CTNNA2: variants seen among roughly 807,000 people sequenced by gnomAD.
CTNNA2 encodes catenin alpha 2, also known as catenin alpha-2.
In CTNNA2, 42 loss-of-function variants were observed where a neutral mutation model predicts 101.0. The ratio of observed to expected loss-of-function variants is 0.42; its 90% confidence interval spans 0.32 to 0.54. CTNNA2 has a LOEUF of 0.54. Ranked by LOEUF, CTNNA2 falls within the 20% of genes least tolerant of loss-of-function variation. The pLI, the probability that CTNNA2 is intolerant of heterozygous loss-of-function variation, is 0.14. For synonymous variants in CTNNA2, 450 were observed against 456.4 expected (o/e 0.99, Z 0.18); for missense variants, 871 against 1,223.1 (o/e 0.71, Z 4.29).
At chr2:79,477,320 G>A (rs1156997090) in intron 4 of CTNNA2, among the ~76,000 whole-genome samples, 4 of 151,594 alleles carry the variant, frequency 2.6e-5, no homozygotes, top group East Asian at 3.9e-4. Context: ...ACAGGCACCC[G>A]CCACCACACC....
At chr2:80,234,756 T>C (rs1455932241) in intron 7 of CTNNA2, among the ~76,000 whole-genome samples, 1 of 151,868 alleles carries the variant, frequency 6.6e-6, no homozygotes, top group East Asian at 1.9e-4. Flanking sequence ...CTGAGAAATA[T>C]TATGAAGACA....
intron 7 of CTNNA2, chr2:80,305,421 G>A: frequency 1.0e-6 from 1 of 975,206 alleles, no homozygotes; most frequent in Non-Finnish European, 1.2e-6. Flanking sequence ...AAGAACGATT[G>A]TACTGTCTGA....
At chr2:79,627,752 A>G (rs1679415259) in intron 1 of CTNNA2, among the ~76,000 whole-genome samples, 1 of 152,170 alleles carries the variant, frequency 6.6e-6, no homozygotes. Context: ...AAAATATTCA[A>G]TTGATGATTT....
intron 7 of CTNNA2, among the ~76,000 whole-genome samples, chr2:80,083,172 G>A (rs1558791517): frequency 1.3e-5 from 2 of 152,100 alleles, no homozygotes; most frequent in South Asian, 4.1e-4. Flanking sequence ...GACTGGGGCT[G>A]TGAAGTCATT....
intron 7 of CTNNA2, among the ~76,000 whole-genome samples, chr2:80,186,042 C>T (rs1028734553): frequency 1.3e-5 from 2 of 152,124 alleles, no homozygotes; most frequent in African/African-American, 4.8e-5. Context: ...CTCCTTTCTC[C>T]CTTTGTGGAT....
At chr2:79,280,702 A>ACC (rs1675353334) in intron 2 of CTNNA2, among the ~76,000 whole-genome samples, 2 of 133,224 alleles carry the variant, frequency 1.5e-5, no homozygotes, top group African/African-American at 5.6e-5. Context: ...AGAGAGAGAG[A>ACC]CCTATAGCTC....
chr2:79,442,490 T>C (rs925996376), intron 4 of CTNNA2, among the ~76,000 whole-genome samples: 11 of 152,182 alleles, frequency 7.2e-5, no homozygotes, highest in African/African-American at 2.7e-4. Flanking sequence ...ACGTGTTCTG[T>C]TGTTACAAAA....
chr2:79,424,283 C>A (rs1573159621), intron 4 of CTNNA2, among the ~76,000 whole-genome samples: 1 of 152,280 alleles, frequency 6.6e-6, no homozygotes, highest in East Asian at 1.9e-4. Context: ...GAATTACATT[C>A]TCTCTGAGTT....
Position 80,545,956 on chromosome 2 carries a change from C to T in CTNNA2, c.1433C>T (p.Ala478Val). Residue 478 changes from alanine (A) to valine (V), a missense_variant, in exon 11 of 19, where the codon GCT (alanine) becomes GTT (valine). By Grantham distance (64) the Ala-to-Val change is moderately conservative (BLOSUM62 0). Coordinates refer to ENST00000402739, the MANE Select transcript of CTNNA2 (RefSeq NM_001282597.3). The stretch of plus-strand genomic sequence containing the variant: ...GCTGCCCGGCCACAGAGCAAAGTTG[C>T]TCAGGATAACATGGACGTCTTCAAA... ...TLAARPQSKV[A>V]QDNMDVFKDQ... is the part of the protein sequence containing the mutation. 3.1e-6 allele frequency: 5 copies of T among 1,614,106 alleles called. No individual in the cohort carries two copies. The highest frequency in any genetic ancestry group is 4.2e-6 in the Non-Finnish European group (5 of 1,180,008).
intron 9 of CTNNA2, among the ~76,000 whole-genome samples, chr2:80,448,036 G>A (rs1401390250): frequency 6.6e-6 from 1 of 152,172 alleles, no homozygotes; most frequent in Non-Finnish European, 1.5e-5. Context: ...ACAAATCAGA[G>A]CCTTTATTAC....
At chr2:79,922,227 C>T (rs1686710034) in intron 7 of CTNNA2, among the ~76,000 whole-genome samples, 2 of 152,046 alleles carry the variant, frequency 1.3e-5, no homozygotes, top group Non-Finnish European at 2.9e-5. Flanking sequence ...CTTTGGAGGC[C>T]AATATTTTCT....
At chr2:79,535,832 C>A (rs1673021862) in intron 1 of CTNNA2, among the ~76,000 whole-genome samples, 2 of 152,024 alleles carry the variant, frequency 1.3e-5, no homozygotes, top group Admixed American at 1.3e-4. Flanking sequence ...CTTCAAGGCT[C>A]TTGTATAGCT....
intron 9 of CTNNA2, among the ~76,000 whole-genome samples, chr2:80,533,872 A>G (rs1394420726): frequency 5.3e-5 from 8 of 152,200 alleles, no homozygotes; most frequent in Non-Finnish European, 1.2e-4. Context: ...GTAAGACATG[A>G]TAAGCCTCTC....
At chr2:80,473,547 G>T (rs1029661648) in intron 9 of CTNNA2, among the ~76,000 whole-genome samples, 1 of 152,098 alleles carries the variant, frequency 6.6e-6, no homozygotes, top group African/African-American at 2.4e-5. Context: ...ATGCTAAAAT[G>T]AAAGTCTGGA....
intron 7 of CTNNA2, among the ~76,000 whole-genome samples, chr2:80,127,191 A>C (rs1025976746): frequency 6.6e-6 from 1 of 152,166 alleles, no homozygotes; most frequent in African/African-American, 2.4e-5. Context: ...TCAACTTTAT[A>C]GCCAGTCTTT....
intron 1 of CTNNA2, among the ~76,000 whole-genome samples, chr2:79,196,611 T>C (rs542785437): frequency 6.6e-6 from 1 of 152,352 alleles, no homozygotes; most frequent in East Asian, 1.9e-4. Context: ...GGGTACCTTA[T>C]ACTTAATAAT....
At chr2:80,294,108 T>C (rs1675510180) in intron 7 of CTNNA2, among the ~76,000 whole-genome samples, 1 of 152,074 alleles carries the variant, frequency 6.6e-6, no homozygotes, top group Non-Finnish European at 1.5e-5. Flanking sequence ...AGGAAGGTGG[T>C]AGCGGGAGAA....
At chr2:80,022,083 A>T (rs1694603479) in intron 7 of CTNNA2, among the ~76,000 whole-genome samples, 1 of 152,244 alleles carries the variant, frequency 6.6e-6, no homozygotes, top group South Asian at 2.1e-4. Context: ...ATGGCTTGAT[A>T]AAATGGGAAT....
At chr2:80,079,770 C>T (rs980053410) in intron 7 of CTNNA2, among the ~76,000 whole-genome samples, 44 of 149,516 alleles carry the variant, frequency 2.9e-4, no homozygotes, top group African/African-American at 6.2e-4. Flanking sequence ...GCCGGGATTG[C>T]GCCACTGCAC....
Sources: allele counts gnomAD v4.1 joint callset (sites outside exome capture counted in the v4.1 genomes callset), GRCh38; gene constraint gnomAD v4.1.1; transcripts MANE v1.5; gene names NCBI Gene and HGNC (gene_info 2026-07-23, HGNC 2026-07-21).